NOSTRIN: variants seen among roughly 807,000 people sequenced by gnomAD.
The protein encoded by NOSTRIN is BM247 homolog.
A neutral mutation model predicts 59.0 loss-of-function variants in NOSTRIN; 63 were observed. The ratio of observed to expected loss-of-function variants is 1.07; its 90% CI spans 0.87 to 1.32. The LOEUF (loss-of-function observed/expected upper bound fraction) is 1.32. NOSTRIN is among the 40% of genes most tolerant of loss of function. The probability of loss-of-function intolerance (pLI) is 0.00; values close to 1 mark genes in which losing one functional copy is unlikely to be tolerated. For synonymous variants in NOSTRIN, 200 were observed against 165.4 expected (o/e 1.21, Z -1.61); for missense variants, 512 against 473.1 (o/e 1.08, Z -0.76).
At chr2:168,851,864 C>T (rs13402324) in intron 10 of NOSTRIN, among the ~76,000 whole-genome samples, 6,884 of 152,134 alleles carry the variant, frequency 0.045, 496 homozygotes, top group African/African-American at 0.15. Flanking sequence ...TCTCTGAACC[C>T]CTCCCAAGGC....
intron 10 of NOSTRIN, among the ~76,000 whole-genome samples, chr2:168,854,751 C>T (rs141177220): frequency 2.5e-3 from 386 of 152,242 alleles, no homozygotes; most frequent in Non-Finnish European, 4.7e-3. Context: ...CTTGCCTCCT[C>T]GAAGCTGTCA....
intron 2 of NOSTRIN, among the ~76,000 whole-genome samples, chr2:168,791,211 C>G (rs569192300): frequency 2.0e-5 from 3 of 152,214 alleles, no homozygotes; most frequent in Admixed American, 2.0e-4. Context: ...TCTCATTGTT[C>G]AATTCCCACC....
intron 11 of NOSTRIN, 32 bp downstream of exon 11, chr2:168,855,492 AG>A (rs1441775875): frequency 6.5e-6 from 8 of 1,225,728 alleles, no homozygotes; most frequent in Admixed American, 1.8e-5. Context: ...TGGCCAGAAA[AG>A]GGACCATATG....
At chr2:168,826,637 T>C (rs7562530) in intron 3 of NOSTRIN, among the ~76,000 whole-genome samples, 39 of 152,276 alleles carry the variant, frequency 2.6e-4, no homozygotes, top group African/African-American at 8.4e-4. Flanking sequence ...ACATGCTTGG[T>C]TCCTGTCCTG....
intron 2 of NOSTRIN, among the ~76,000 whole-genome samples, chr2:168,790,034 C>A (rs548746818): frequency 6.6e-6 from 1 of 152,298 alleles, no homozygotes; most frequent in East Asian, 1.9e-4. Flanking sequence ...CCAGCCAGAT[C>A]GAGTTAGCTC....
At chr2:168,834,503 GCGCGCA>G (rs1185732473) in intron 7 of NOSTRIN, among the ~76,000 whole-genome samples, 178 bp downstream of exon 7, 4 of 119,740 alleles carry the variant, frequency 3.3e-5, no homozygotes, top group Admixed American at 8.2e-5. Context: ...GCGCGCGCGC[GCGCGCA>G]CACACACACA....
intron 12 of NOSTRIN, among the ~76,000 whole-genome samples, chr2:168,857,590 G>A (rs930312714): frequency 1.3e-5 from 2 of 152,184 alleles, no homozygotes; most frequent in African/African-American, 4.8e-5. Context: ...GAAAGGGATA[G>A]TTAACAAAAA....
chr2:168,831,696 C>T (rs1260757358), intron 6 of NOSTRIN, among the ~76,000 whole-genome samples, 162 bp downstream of exon 6: 1 of 152,098 alleles, frequency 6.6e-6, no homozygotes, highest in East Asian at 1.9e-4. Context: ...TATTTTTCAC[C>T]AAACCAATGG....
At chr2:168,863,629 A>T (rs1286736217) in intron 15 of NOSTRIN, 1 of 983,828 alleles carries the variant, frequency 1.0e-6, no homozygotes, top group East Asian at 1.1e-4. Flanking sequence ...TTGAATGGGG[A>T]GTTACATTTT....
At chr2:168,856,884 A>G (rs1689157721) in intron 12 of NOSTRIN, 106 bp downstream of exon 12, 1 of 1,007,846 alleles carries the variant, frequency 9.9e-7, no homozygotes, top group Non-Finnish European at 1.5e-6. Context: ...CTTTCTCATG[A>G]CATAGAACAA....
intron 3 of NOSTRIN, among the ~76,000 whole-genome samples, chr2:168,825,417 T>A (rs1168285308): frequency 6.6e-6 from 1 of 152,220 alleles, no homozygotes; most frequent in Non-Finnish European, 1.5e-5. Context: ...TAAAGTCAGG[T>A]TGTCTTGGAG....
intron 2 of NOSTRIN, among the ~76,000 whole-genome samples, chr2:168,817,580 C>T (rs903955415): frequency 6.6e-6 from 1 of 152,150 alleles, no homozygotes; most frequent in African/African-American, 2.4e-5. Flanking sequence ...TCCCTCACCA[C>T]AATACTCCCT....
At chr2:168,817,505 C>A (rs1324021256) in intron 2 of NOSTRIN, among the ~76,000 whole-genome samples, 1 of 151,978 alleles carries the variant, frequency 6.6e-6, no homozygotes, top group African/African-American at 2.4e-5. Flanking sequence ...TGGAATTCTG[C>A]ATAAAATTTT....
At chr2:168,833,027 T>C (rs1687458326) in intron 6 of NOSTRIN, among the ~76,000 whole-genome samples, 1 of 152,230 alleles carries the variant, frequency 6.6e-6, no homozygotes, top group South Asian at 2.1e-4. Context: ...GAGGCTGCAA[T>C]TGCTCCCAAG....
At chr2:168,801,179 C>T (rs1272129807), upstream of NOSTRIN, 1 of 151,814 alleles carries the variant, frequency 6.6e-6, no homozygotes, top group African/African-American at 2.4e-5. Context: ...TGGAAAAGAC[C>T]CCTCCTCTCC....
At chr2:168,812,271 C>T (rs1432289944) in intron 2 of NOSTRIN, among the ~76,000 whole-genome samples, 1 of 152,124 alleles carries the variant, frequency 6.6e-6, no homozygotes, top group East Asian at 1.9e-4. Context: ...GGCCTTTTCC[C>T]TACTTCTAGA....
intron 2 of NOSTRIN, among the ~76,000 whole-genome samples, chr2:168,812,354 A>G (rs1210841955): frequency 1.3e-5 from 2 of 152,138 alleles, no homozygotes; most frequent in Non-Finnish European, 2.9e-5. Flanking sequence ...AAAATAATGA[A>G]TGTGTGCCAT....
intron 2 of NOSTRIN, among the ~76,000 whole-genome samples, chr2:168,819,616 C>T (rs1174104825): frequency 7.2e-5 from 11 of 152,174 alleles, no homozygotes; most frequent in Admixed American, 2.0e-4. Context: ...CACCCATCTC[C>T]CCATCACATT....
chr2:168,828,180 TG>T lies in NOSTRIN; in HGVS notation c.223del (p.Ala75ProfsTer5). ...TAGTTGTGTTAGCAGTGCCTGGGCC[TG>T]GGCCTCAGAGGGAATGAAATCCACA... is the stretch of plus-strand genomic sequence containing the variant. ...RKSCVSSAWA[W>X]ASEGMKSTAD... On this transcript the variant is annotated frameshift_variant, in exon 4 of 16. Transcript: ENST00000317647. LOFTEE classifies it high-confidence loss of function. 1.1e-6 allele frequency: 1 copy of T among 872,974 alleles called. No homozygotes were observed. Among genetic ancestry groups the T allele is most frequent in the Non-Finnish European group, 2.0e-6 (1 of 501,674 alleles). 54.1% of individuals were successfully genotyped at this position (872,974 alleles called of 1,614,324 possible). A position where few individuals can be genotyped will look rare whatever the true frequency, so the allele number is the denominator to read the frequency against.
Sources: gnomAD v4.1 joint callset for allele counts (sites outside exome capture counted in the v4.1 genomes callset) on GRCh38, gnomAD v4.1.1 for gene constraint, MANE v1.5 for transcripts, NCBI Gene and HGNC (gene_info 2026-07-23, HGNC 2026-07-21) for gene names.